Variants in ZMYM6 observed in about 807,000 individuals in gnomAD.
ZMYM6 encodes zinc finger MYM-type protein 6.
A neutral mutation model predicts 134.0 loss-of-function variants in ZMYM6; 90 were observed. The observed-to-expected ratio is 0.67, with a 90% confidence interval of 0.57 to 0.80. The LOEUF is 0.80. Ranked by LOEUF, ZMYM6 falls within the 30% of genes least tolerant of loss-of-function variation. The probability of loss-of-function intolerance (pLI) is 0.00; values close to 1 mark genes in which losing one functional copy is unlikely to be tolerated. For missense variants in ZMYM6, 1,362 were observed against 1,533.9 expected, an observed-to-expected ratio of 0.89 and a Z score of 1.87; for synonymous variants, 481 against 524.1, an observed-to-expected ratio of 0.92 and a Z score of 1.12.
At chr1:35,024,146 AC>A (rs1298860549) in intron 2 of ZMYM6, among the ~76,000 whole-genome samples, 9 of 152,036 alleles carry the variant, frequency 5.9e-5, no homozygotes, top group Non-Finnish European at 1.3e-4. Context: ...AGCCCCCTCC[AC>A]CTTACCTACA....
Position 35,020,454 on chromosome 1 carries a change from A to C in ZMYM6, c.107T>G (p.Val36Gly). The C allele has an allele frequency of 6.2e-7, 1 of 1,605,178 alleles. No individual in the cohort carries two copies. The highest frequency in any genetic ancestry group is 8.5e-7 in the Non-Finnish European group (1 of 1,178,416). ...ACTTTCTTGAGTTTTTGGCTGTTGG[A>C]CACATCCATACTCCTTTAAAAAAAA... ...EPDNAQEYGC[V>G]QQPKTQESKL... Residue 36 changes from valine to glycine, a missense_variant, in exon 3 of 16, where the codon GTC becomes GGC. Around this residue, in one of 3 missense-constraint regions of ZMYM6, gnomAD observed 503 missense variants for 520.8 expected, o/e 0.97. Transcript: ENST00000357182.
At chr1:35,012,935 A>C in intron 6 of ZMYM6, 2 of 985,238 alleles carry the variant, frequency 2.0e-6, no homozygotes, top group Non-Finnish European at 2.4e-6. Flanking sequence ...CTTGTACATC[A>C]ATCTAGAAGA....
At position 34,999,763 on chromosome 1, in the gene ZMYM6, G is replaced by T. The variant is rs181077223; in HGVS notation, c.1992+4205C>A. Among the ~76,000 whole-genome samples, 3 of 152,168 alleles carry T rather than the reference G, an allele frequency of 2.0e-5. No individual in the cohort carries two copies. The East Asian group carries it at 5.8e-4, about 29-fold the overall frequency. On this transcript the variant is annotated intron_variant, in intron 14 of 15. Transcript: ENST00000357182. Reference sequence around the variant, plus strand: ...TTAAATTTGACAACACTAAATGATGGTGAGGCTGTAATATATGGGTACAGT... The same window carrying T: ...TTAAATTTGACAACACTAAATGATGTTGAGGCTGTAATATATGGGTACAGT...
intron 2 of ZMYM6, among the ~76,000 whole-genome samples, chr1:35,021,529 A>G (rs921318633): frequency 6.6e-6 from 1 of 151,936 alleles, no homozygotes; most frequent in Non-Finnish European, 1.5e-5. Flanking sequence ...CTGAGGCAGG[A>G]GAATCACTTG....
Position 35,015,747 on chromosome 1 carries a change from T to A in ZMYM6, c.429-585A>T, listed in dbSNP as rs1192937758. On this transcript the variant is annotated intron_variant, in intron 4 of 15. Transcript: ENST00000357182. Reference sequence around the variant, plus strand: ...TCAAAAAAAAAAAAAAAAAAAAATATATATATATATATATGTGGCCAGCCA... The same window carrying A: ...TCAAAAAAAAAAAAAAAAAAAAATAAATATATATATATATGTGGCCAGCCA... 3.5e-3 allele frequency among the ~76,000 whole-genome samples: 381 copies of A among 109,212 alleles called. 1 individual carries two copies. The highest frequency in any genetic ancestry group is 0.022 in the East Asian group (65 of 2,996). 71.6% of individuals were successfully genotyped at this position (109,212 alleles called of 152,430 possible).
In ZMYM6 at chr1:35,019,342, GA is replaced by G. The variant is rs1166619868; in HGVS notation, c.428+10del. The G allele has an allele frequency of 9.3e-6, 15 of 1,614,096 alleles. No homozygotes were observed. The highest frequency in any genetic ancestry group is 1.3e-5 in the Non-Finnish European group (15 of 1,180,046). ...AAGGTAAAGTAAAAAGGGATGTTAA[GA>G]ATTTTATACTTCGAGCAGTTTGTGC... On this transcript the variant is annotated intron_variant, in intron 4 of 15. Coordinates refer to ENST00000357182, the MANE Select transcript of ZMYM6 (RefSeq NM_007167.4).
chr1:34,995,770 C>T (rs868800817), intron 14 of ZMYM6, among the ~76,000 whole-genome samples: 1 of 152,206 alleles, frequency 6.6e-6, no homozygotes, highest in Non-Finnish European at 1.5e-5. Context: ...TTTCAAGCCA[C>T]AGATAAGTGG....
At chr1:34,994,556 T>C (rs150901695) in intron 14 of ZMYM6, among the ~76,000 whole-genome samples, 1 of 152,186 alleles carries the variant, frequency 6.6e-6, no homozygotes, top group African/African-American at 2.4e-5. Context: ...AACTAAATTG[T>C]ATAGGATCTG....
chr1:34,989,317 C>T (rs1178027252), intron 15 of ZMYM6: 1 of 923,840 alleles, frequency 1.1e-6, no homozygotes, highest in South Asian at 5.0e-5. Context: ...GTGGGTGGGT[C>T]ACTTGAGCCC....
chr1:35,026,042 A>G (rs74642506), intron 2 of ZMYM6, among the ~76,000 whole-genome samples: 4 of 151,858 alleles, frequency 2.6e-5, no homozygotes, highest in Non-Finnish European at 5.9e-5. Context: ...TTTTTTTTAG[A>G]TGGAGTCTCC....
chr1:35,020,252 G>A (rs1446786773), intron 3 of ZMYM6, 131 bp downstream of exon 3: 1 of 686,562 alleles, frequency 1.5e-6, no homozygotes, highest in Non-Finnish European at 2.3e-6. Flanking sequence ...CTGAAAACCA[G>A]CTACTCACAG....
chr1:34,995,094 T>TA (rs1179122520), intron 14 of ZMYM6, among the ~76,000 whole-genome samples: 45 of 145,002 alleles, frequency 3.1e-4, no homozygotes, highest in African/African-American at 6.5e-4. Context: ...CGTATATATG[T>TA]ATGTATATAC....
intron 8 of ZMYM6, among the ~76,000 whole-genome samples, chr1:35,011,331 T>C (rs1641082248): frequency 6.6e-6 from 1 of 152,000 alleles, no homozygotes; most frequent in South Asian, 2.1e-4. Context: ...TGCACTCCCA[T>C]CATCAACCAG....
chr1:35,013,606 A>G (rs565220565), intron 6 of ZMYM6: 1 of 985,470 alleles, frequency 1.0e-6, no homozygotes, highest in Admixed American at 6.1e-5. Flanking sequence ...TCCATTACCA[A>G]CTGCTCAAAG....
intron 2 of ZMYM6, among the ~76,000 whole-genome samples, chr1:35,024,358 T>G (rs1279113767): frequency 6.6e-6 from 1 of 152,202 alleles, no homozygotes; most frequent in Non-Finnish European, 1.5e-5. Flanking sequence ...CATCTCCAAG[T>G]AGATAACTTT....
intron 1 of ZMYM6, chr1:35,031,502 G>C (rs925153615): frequency 6.6e-6 from 1 of 152,250 alleles, no homozygotes; most frequent in Non-Finnish European, 1.5e-5. Flanking sequence ...CTGTTCCAAA[G>C]AAGAAATGAG....
chr1:35,021,636 A>G (rs578251891), intron 2 of ZMYM6, among the ~76,000 whole-genome samples: 1 of 152,248 alleles, frequency 6.6e-6, no homozygotes, highest in South Asian at 2.1e-4. Flanking sequence ...AAAAAGAAAA[A>G]GAAAAAAAGA....
intron 10 of ZMYM6, among the ~76,000 whole-genome samples, chr1:35,009,315 GCTGGTCT>G (rs1641042212): frequency 6.6e-6 from 1 of 152,108 alleles, no homozygotes; most frequent in Non-Finnish European, 1.5e-5. Flanking sequence ...TGTTGGCCAG[GCTGGTCT>G]CAAACTCCTG....
Position 34,988,394 on chromosome 1 carries a change from G to T in ZMYM6, c.2688C>A (p.Asp896Glu). Residue 896 changes from aspartate to glutamate, a missense_variant, in exon 16 of 16, where the codon GAC becomes GAA. Physicochemically the swap from Asp to Glu is conservative, Grantham distance 45. Coordinates refer to ENST00000357182, the MANE Select transcript of ZMYM6 (RefSeq NM_007167.4). ...RIDELSADIE[D>E]QLIQKVRESK... ...ACTCTCTGACCTTTTGAATCAGCTG[G>T]TCTTCAATGTCTGCAGATAGTTCAT... 1 of 1,551,604 alleles carries T rather than the reference G, an allele frequency of 6.4e-7. No homozygotes were observed. The highest frequency in any genetic ancestry group is 8.7e-7 in the Non-Finnish European group (1 of 1,146,962).
Sources: allele counts gnomAD v4.1 joint callset (sites outside exome capture counted in the v4.1 genomes callset), GRCh38; gene constraint gnomAD v4.1.1; regional missense constraint gnomAD v4.1.1; transcripts MANE v1.5; gene names NCBI Gene and HGNC (gene_info 2026-07-23, HGNC 2026-07-21).